SYNPR: variants seen among roughly 807,000 people sequenced by gnomAD.
The protein encoded by SYNPR is synaptoporin.
Under a neutral mutation model 32.9 loss-of-function variants are expected in SYNPR, and 23 were observed. The observed-to-expected ratio is 0.70, with a 90% CI of 0.50 to 0.99. The LOEUF (loss-of-function observed/expected upper bound fraction) is 0.99. Among genes scored for constraint, SYNPR ranks in the 50% least tolerant of loss-of-function variants. The probability of loss-of-function intolerance (pLI) is 0.00; values close to 1 mark genes in which losing one functional copy is unlikely to be tolerated. For missense variants in SYNPR, 318 were observed against 349.3 expected (o/e 0.91, Z 0.71); for synonymous variants, 146 against 135.9 (o/e 1.07, Z -0.52).
At chr3:63,388,973 A>T (rs368383278) in intron 2 of SYNPR, among the ~76,000 whole-genome samples, 56 of 152,234 alleles carry the variant, frequency 3.7e-4, no homozygotes, top group African/African-American at 1.3e-3. Flanking sequence ...CCAAAATTAG[A>T]TCTTTTTGGA....
chr3:63,451,995 ACCCT>A (rs1052632399), intron 2 of SYNPR: 32 of 673,810 alleles, frequency 4.7e-5, no homozygotes, highest in Non-Finnish European at 8.6e-5. Flanking sequence ...TTTGGAAGAC[ACCCT>A]CCTTTCTTCC....
intron 2 of SYNPR, among the ~76,000 whole-genome samples, chr3:63,307,382 A>C (rs2086919105): frequency 6.6e-6 from 1 of 152,028 alleles, no homozygotes; most frequent in Non-Finnish European, 1.5e-5. Flanking sequence ...TCTTCCTGAA[A>C]AATCACTTTT....
At chr3:63,567,032 C>T (rs757978751) in intron 4 of SYNPR, among the ~76,000 whole-genome samples, 1 of 152,114 alleles carries the variant, frequency 6.6e-6, no homozygotes, top group Non-Finnish European at 1.5e-5. Context: ...TCTTATTGTC[C>T]TGTTTACATC....
intron 2 of SYNPR, among the ~76,000 whole-genome samples, chr3:63,311,080 C>T (rs1232814476): frequency 2.0e-5 from 3 of 151,878 alleles, no homozygotes; most frequent in African/African-American, 7.2e-5. Flanking sequence ...TGAACAGATG[C>T]CAGGAGAAAG....
intron 2 of SYNPR, among the ~76,000 whole-genome samples, chr3:63,434,306 GGA>G (rs1190209225): frequency 6.6e-6 from 1 of 152,166 alleles, no homozygotes; most frequent in African/African-American, 2.4e-5. Flanking sequence ...TGTAGCTTTA[GGA>G]GAGAGAGTAC....
intron 2 of SYNPR, among the ~76,000 whole-genome samples, chr3:63,389,462 T>C (rs2088103847): frequency 1.3e-5 from 2 of 152,196 alleles, no homozygotes; most frequent in South Asian, 4.1e-4. Context: ...AAGGTGTCTC[T>C]CTTACCAGTA....
intron 2 of SYNPR, among the ~76,000 whole-genome samples, chr3:63,351,262 T>G (rs188231733): frequency 1.5e-4 from 23 of 152,322 alleles, no homozygotes; most frequent in Non-Finnish European, 2.1e-4. Context: ...TTCCTCTGCT[T>G]ACTTCATCCA....
chr3:63,519,592 C>T (rs62250763), intron 3 of SYNPR, among the ~76,000 whole-genome samples: 8,070 of 152,260 alleles, frequency 0.053, 247 homozygotes, highest in Admixed American at 0.077. Context: ...CTCTGACATC[C>T]TCAAGGTTGG....
intron 2 of SYNPR, among the ~76,000 whole-genome samples, chr3:63,476,894 C>G (rs1012176313): frequency 2.6e-5 from 4 of 152,190 alleles, no homozygotes; most frequent in Non-Finnish European, 5.9e-5. Flanking sequence ...TTATCCTTGT[C>G]TTTTCTGTGA....
intron 2 of SYNPR, among the ~76,000 whole-genome samples, chr3:63,466,748 CAGAG>C (rs1480909249): frequency 2.6e-5 from 4 of 152,216 alleles, no homozygotes; most frequent in African/African-American, 7.2e-5. Flanking sequence ...TGGAGAGGGA[CAGAG>C]AAAGTGTCAG....
chr3:63,211,369 G>C, the SYNPR span, among the ~76,000 whole-genome samples: 2 of 152,120 alleles, frequency 1.3e-5, no homozygotes, highest in Non-Finnish European at 2.9e-5. Flanking sequence ...GCCCGGCCAA[G>C]ACCTTCTTTT....
At chr3:63,206,355 G>A in the SYNPR span, among the ~76,000 whole-genome samples, 2 of 152,248 alleles carry the variant, frequency 1.3e-5, no homozygotes, top group East Asian at 3.9e-4. Flanking sequence ...GCTTACACCT[G>A]TAATCCCAGC....
At chr3:63,346,312 AT>A (rs376422582) in intron 2 of SYNPR, among the ~76,000 whole-genome samples, 2 of 151,804 alleles carry the variant, frequency 1.3e-5, no homozygotes, top group Non-Finnish European at 2.9e-5. Context: ...AATTTTTTTC[AT>A]TTTTTTGGTA....
intron 4 of SYNPR, among the ~76,000 whole-genome samples, chr3:63,576,175 A>G (rs1702976528): frequency 6.6e-6 from 1 of 152,194 alleles, no homozygotes; most frequent in South Asian, 2.1e-4. Context: ...AGCGTCCATC[A>G]TCCCTGTATA....
intron 2 of SYNPR, among the ~76,000 whole-genome samples, chr3:63,329,861 G>A (rs2087206917): frequency 6.6e-6 from 1 of 152,058 alleles, no homozygotes; most frequent in African/African-American, 2.4e-5. Flanking sequence ...TACCCACAAA[G>A]GGGTCCTTTG....
intron 2 of SYNPR, among the ~76,000 whole-genome samples, chr3:63,401,431 G>A (rs2088288735): frequency 6.6e-6 from 1 of 152,162 alleles, no homozygotes; most frequent in Admixed American, 6.5e-5. Context: ...ACTGTATAAG[G>A]CGTGGCTAGG....
At chr3:63,455,754 G>GC (rs546696159) in intron 2 of SYNPR, among the ~76,000 whole-genome samples, 1 of 82,236 alleles carries the variant, frequency 1.2e-5, no homozygotes, top group East Asian at 2.9e-4. Context: ...AGTCATGTTT[G>GC]GGGTGTGTGT....
chr3:63,313,504 C>G (rs1454867921), intron 2 of SYNPR, among the ~76,000 whole-genome samples: 1 of 150,940 alleles, frequency 6.6e-6, no homozygotes, highest in Non-Finnish European at 1.5e-5. Context: ...TAGAATAAGT[C>G]TCCAATCTCA....
chr3:63,374,397 G>A (rs181738584), intron 2 of SYNPR, among the ~76,000 whole-genome samples: 185 of 152,226 alleles, frequency 1.2e-3, no homozygotes, highest in Non-Finnish European at 2.3e-3. Flanking sequence ...GAGAACTCAT[G>A]GACACAAAGA....
Sources: allele counts gnomAD v4.1 joint callset (sites outside exome capture counted in the v4.1 genomes callset), GRCh38; gene constraint gnomAD v4.1.1; transcripts MANE v1.5; gene names NCBI Gene and HGNC (gene_info 2026-07-23, HGNC 2026-07-21).